The following ZNRF1 variants were observed in gnomAD, a reference collection of about 807,000 sequenced individuals.
The protein encoded by ZNRF1 is zinc and ring finger 1, also known as E3 ubiquitin-protein ligase ZNRF1.
ZNRF1 carries 3 observed loss-of-function variants against 18.4 expected under a neutral mutation model. The ratio of observed to expected loss-of-function variants is 0.16; its 90% CI spans 0.07 to 0.42. The LOEUF (loss-of-function observed/expected upper bound fraction) is 0.42, where lower values mean the gene tolerates loss of function less well. ZNRF1 is among the 10% of genes least tolerant of loss of function. ZNRF1 has a pLI of 0.99. For missense variants in ZNRF1, 310 were observed against 329.8 expected, an observed-to-expected ratio of 0.94 and a Z score of 0.47; for synonymous variants, 157 against 144.2, an observed-to-expected ratio of 1.09 and a Z score of -0.64.
At chr16:75,011,569 C>G (rs2035000841) in intron 1 of ZNRF1, among the ~76,000 whole-genome samples, 1 of 152,180 alleles carries the variant, frequency 6.6e-6, no homozygotes, top group Admixed American at 6.5e-5. Flanking sequence ...GCTGCTATAA[C>G]AAGTGTTCCT....
At chr16:75,030,530 C>A (rs2035288378) in intron 1 of ZNRF1, among the ~76,000 whole-genome samples, 1 of 152,034 alleles carries the variant, frequency 6.6e-6, no homozygotes, top group South Asian at 2.1e-4. Flanking sequence ...TTGCATTGGG[C>A]AGTAGTTTCT....
At chr16:75,033,003 C>G (rs1289008014) in intron 1 of ZNRF1, among the ~76,000 whole-genome samples, 1 of 152,284 alleles carries the variant, frequency 6.6e-6, no homozygotes, top group South Asian at 2.1e-4. Context: ...CAGAGCAAGA[C>G]TCCACTGGAT....
intron 1 of ZNRF1, among the ~76,000 whole-genome samples, chr16:75,082,091 C>CTG (rs2036019157): frequency 6.6e-6 from 1 of 152,176 alleles, no homozygotes; most frequent in Admixed American, 6.5e-5. Context: ...GTTGCCCAGG[C>CTG]TGGCGGTCTT....
chr16:75,082,523 T>A (rs1192610716), intron 1 of ZNRF1, among the ~76,000 whole-genome samples: 1 of 152,218 alleles, frequency 6.6e-6, no homozygotes, highest in African/African-American at 2.4e-5. Flanking sequence ...TAGATAGATG[T>A]CTTCACTTAG....
At chr16:75,080,648 C>T (rs2035998743) in intron 1 of ZNRF1, among the ~76,000 whole-genome samples, 1 of 152,128 alleles carries the variant, frequency 6.6e-6, no homozygotes, top group Non-Finnish European at 1.5e-5. Context: ...AACACCTCCC[C>T]CAACCCCACA....
intron 1 of ZNRF1, among the ~76,000 whole-genome samples, chr16:75,045,162 ATTTG>A (rs770227688): frequency 4.6e-5 from 7 of 152,098 alleles, no homozygotes; most frequent in Non-Finnish European, 1.0e-4. Context: ...TGAGAGTTTT[ATTTG>A]TTTGTTTGTT....
intron 1 of ZNRF1, among the ~76,000 whole-genome samples, chr16:75,079,240 G>A (rs1251831510): frequency 6.6e-6 from 1 of 152,130 alleles, no homozygotes; most frequent in African/African-American, 2.4e-5. Flanking sequence ...CCAACTCTTT[G>A]GTAGGCTGAG....
chr16:75,007,940 C>A (rs570482028), intron 1 of ZNRF1, among the ~76,000 whole-genome samples: 1 of 152,284 alleles, frequency 6.6e-6, no homozygotes, highest in Non-Finnish European at 1.5e-5. Flanking sequence ...ATCACGCTCA[C>A]TGCAGCCTGG....
intron 1 of ZNRF1, among the ~76,000 whole-genome samples, chr16:75,014,640 A>T (rs2035043124): frequency 6.6e-6 from 1 of 152,124 alleles, no homozygotes; most frequent in Admixed American, 6.6e-5. Context: ...CTTAGTCATG[A>T]AATAGTGGGG....
Position 75,033,975 on chromosome 16 carries a change from C to T in ZNRF1, c.424+33880C>T, listed in dbSNP as rs907360322. On this transcript the variant is annotated intron_variant, in intron 1 of 4. Coordinates refer to ENST00000335325, the MANE Select transcript of ZNRF1 (RefSeq NM_032268.5). ...CAGTCTGGGCAACATGGTGAAACCC[C>T]GACTCTACTAAAATACAAAAAAAAA... 7.2e-5 allele frequency among the ~76,000 whole-genome samples: 10 copies of T among 139,320 alleles called. No individual in the cohort carries two copies. The East Asian group carries it at 1.1e-3, about 15-fold the overall frequency. The allele number at this position is 139,320 out of a possible 152,430, so 91.4% of individuals were successfully genotyped here. A position where few individuals can be genotyped will look rare whatever the true frequency, so the allele number is the denominator to read the frequency against.
intron 1 of ZNRF1, among the ~76,000 whole-genome samples, chr16:75,029,843 T>C (rs1293040892): frequency 2.6e-5 from 4 of 152,054 alleles, no homozygotes; most frequent in African/African-American, 9.7e-5. Flanking sequence ...GAGACCAGCC[T>C]GGCCAACATT....
chr16:75,090,186 G>A (rs1161634139), intron 1 of ZNRF1, among the ~76,000 whole-genome samples: 3 of 152,154 alleles, frequency 2.0e-5, no homozygotes, highest in South Asian at 4.1e-4. Context: ...AGGCTGGATC[G>A]GAAAAGCATC....
chr16:75,007,396 C>T (rs2034936084), intron 1 of ZNRF1, among the ~76,000 whole-genome samples: 1 of 152,158 alleles, frequency 6.6e-6, no homozygotes, highest in African/African-American at 2.4e-5. Flanking sequence ...AGTTTCTAGA[C>T]TGATGAGACT....
intron 2 of ZNRF1, among the ~76,000 whole-genome samples, chr16:75,095,374 G>T (rs748399852): frequency 6.6e-6 from 1 of 152,016 alleles, no homozygotes; most frequent in Non-Finnish European, 1.5e-5. Context: ...CAGTCCTGTC[G>T]CATGCATGCT....
chr16:75,003,064 C>T (rs559617446), intron 1 of ZNRF1, among the ~76,000 whole-genome samples: 3 of 152,354 alleles, frequency 2.0e-5, no homozygotes, highest in East Asian at 1.9e-4. Context: ...AGCAATTCTC[C>T]TGCCTCAGCC....
chr16:75,103,506 TGG>T lies in ZNRF1; in HGVS notation c.521-1276_521-1275del, dbSNP rs549045766. 1.3e-3 allele frequency among the ~76,000 whole-genome samples: 195 copies of T among 152,072 alleles called. 1 individual carries two copies. The highest frequency in any genetic ancestry group is 0.011 in the South Asian group (51 of 4,818). On this transcript the variant is annotated intron_variant, in intron 2 of 4. Transcript: ENST00000335325. ...GAGTAGACTAGTGGTGGCCAGGGGC[TGG>T]GCGGGGGGAAGGGGAGTGGTGGATT...
chr16:75,065,017 G>A (rs2035785187), intron 1 of ZNRF1, among the ~76,000 whole-genome samples: 2 of 152,224 alleles, frequency 1.3e-5, no homozygotes, highest in African/African-American at 2.4e-5. Flanking sequence ...CCCACTTCAC[G>A]TGAGAGATAG....
intron 1 of ZNRF1, among the ~76,000 whole-genome samples, chr16:75,080,365 G>A (rs980298822): frequency 6.6e-6 from 1 of 152,220 alleles, no homozygotes; most frequent in African/African-American, 2.4e-5. Flanking sequence ...TACAGTGCAA[G>A]GCAAATGGTT....
At chr16:75,053,243 G>A (rs1206296128) in intron 1 of ZNRF1, among the ~76,000 whole-genome samples, 1 of 152,034 alleles carries the variant, frequency 6.6e-6, no homozygotes, top group African/African-American at 2.4e-5. Flanking sequence ...GGGAATAGAG[G>A]GTCAGAAAAG....
Sources: gnomAD v4.1 joint callset for allele counts (sites outside exome capture counted in the v4.1 genomes callset) on GRCh38, gnomAD v4.1.1 for gene constraint, MANE v1.5 for transcripts, NCBI Gene and HGNC (gene_info 2026-07-23, HGNC 2026-07-21) for gene names.